Variants in JAK2 observed in about 807,000 individuals in gnomAD.
JAK2 encodes tyrosine-protein kinase JAK2.
A neutral mutation model predicts 139.3 loss-of-function variants in JAK2; 86 were observed. The ratio of observed to expected loss-of-function variants is 0.62; its 90% CI spans 0.52 to 0.74. JAK2 has a LOEUF of 0.74. Among genes scored for constraint, JAK2 ranks in the 30% least tolerant of loss-of-function variants. The probability of loss-of-function intolerance (pLI) is 0.00; values close to 1 mark genes in which losing one functional copy is unlikely to be tolerated. For missense variants in JAK2, 1,421 were observed against 1,360.3 expected (o/e 1.04, Z -0.70); for synonymous variants, 490 against 437.7 (o/e 1.12, Z -1.49).
chr9:4,997,812 G>A (rs1446474859), intron 2 of JAK2, among the ~76,000 whole-genome samples: 2 of 152,178 alleles, frequency 1.3e-5, no homozygotes, highest in African/African-American at 4.8e-5. Context: ...TGATTGATGA[G>A]TAACTGGAAA....
At chr9:5,111,115 T>C in intron 22 of JAK2, 1 of 1,209,936 alleles carries the variant, frequency 8.3e-7, no homozygotes, top group Non-Finnish European at 1.2e-6. Context: ...CAGCTCCTCC[T>C]TTGACCCCAG....
At chr9:5,004,539 G>A (rs1253130026) in intron 2 of JAK2, among the ~76,000 whole-genome samples, 3 of 152,116 alleles carry the variant, frequency 2.0e-5, no homozygotes, top group Non-Finnish European at 4.4e-5. Context: ...TTCATCTGTT[G>A]ATGGACACTT....
chr9:5,018,946 CTT>C (rs1286045025), intron 2 of JAK2, among the ~76,000 whole-genome samples: 4 of 152,096 alleles, frequency 2.6e-5, no homozygotes, highest in African/African-American at 9.7e-5. Flanking sequence ...AGAATTCTCT[CTT>C]TGTCTTTGAC....
chr9:4,990,760 A>G (rs1820195512), intron 2 of JAK2, among the ~76,000 whole-genome samples: 1 of 152,198 alleles, frequency 6.6e-6, no homozygotes, highest in Admixed American at 6.5e-5. Context: ...CTATAAAAAC[A>G]GAAGAAAATT....
rs532667813 is a variant in JAK2, at chr9:4,995,966, C to T, written c.-26+9944C>T. ...TTTTGGCCTCAAATTGTTAAAAATTCACAGTATAGTTTTATTTGTATCAAA... is the reference window on the plus strand; with the variant it reads ...TTTTGGCCTCAAATTGTTAAAAATTTACAGTATAGTTTTATTTGTATCAAA... On this transcript the variant is annotated intron_variant, in intron 2 of 24. Coordinates refer to ENST00000381652, the MANE Select transcript of JAK2 (RefSeq NM_004972.4). Among the ~76,000 whole-genome samples the T allele has an allele frequency of 1.4e-4, 22 of 152,100 alleles. 1 individual carries two copies. The East Asian group carries it at 4.2e-3, about 29-fold the overall frequency.
At chr9:5,098,763 A>T (rs1821228232) in intron 22 of JAK2, 1 of 150,150 alleles carries the variant, frequency 6.7e-6, no homozygotes, top group Non-Finnish European at 1.5e-5. Context: ...GTGTGATCTC[A>T]GCTCACTGCA....
intron 5 of JAK2, 35 bp downstream of exon 5, chr9:5,044,555 A>G (rs1816860619): frequency 4.0e-6 from 5 of 1,237,194 alleles, no homozygotes; most frequent in Non-Finnish European, 5.8e-6. Context: ...ACATGAGTTA[A>G]ATGATAAATA....
intron 2 of JAK2, among the ~76,000 whole-genome samples, chr9:5,014,269 G>A (rs1045478138): frequency 6.7e-6 from 1 of 150,278 alleles, no homozygotes; most frequent in Non-Finnish European, 1.5e-5. Context: ...TTCCCAGAGT[G>A]CAGGGATTAC....
intron 8 of JAK2, among the ~76,000 whole-genome samples, chr9:5,063,797 G>A (rs1341585625): frequency 5.9e-5 from 9 of 151,960 alleles, no homozygotes; most frequent in Non-Finnish European, 1.2e-4. Context: ...AATATAATAC[G>A]TCTATATATT....
At chr9:5,114,184 G>T (rs1181285273) in intron 22 of JAK2, 8 of 448,246 alleles carry the variant, frequency 1.8e-5, no homozygotes, top group South Asian at 3.9e-5. Flanking sequence ...AACCCGCAAG[G>T]GGTGAGCACC....
chr9:5,110,317 C>T (rs1185098863), intron 22 of JAK2: 1 of 152,168 alleles, frequency 6.6e-6, no homozygotes, highest in Non-Finnish European at 1.5e-5. Context: ...GCTGTTACCA[C>T]CTTATTTACA....
intron 4 of JAK2, among the ~76,000 whole-genome samples, chr9:5,038,804 A>T (rs932975483): frequency 2.0e-5 from 3 of 152,144 alleles, no homozygotes; most frequent in Non-Finnish European, 4.4e-5. Context: ...AAGATGAAAT[A>T]CTATGACCAG....
chr9:5,075,542 T>C (rs1224022083), intron 14 of JAK2, among the ~76,000 whole-genome samples: 3 of 152,222 alleles, frequency 2.0e-5, no homozygotes, highest in Non-Finnish European at 2.9e-5. Context: ...CAAGAAAGCC[T>C]AGATGACAGC....
intron 5 of JAK2, 133 bp from the exon 6 acceptor site, chr9:5,050,553 G>A (rs1223171100): frequency 1.2e-6 from 1 of 829,578 alleles, no homozygotes; most frequent in Non-Finnish European, 1.8e-6. Flanking sequence ...TTACAGGCAT[G>A]AGCCACTGAG....
At position 5,059,153 on chromosome 9, in the gene JAK2, T is replaced by C. The variant is rs1817982433; in HGVS notation, c.1056+3365T>C. 2.6e-5 allele frequency among the ~76,000 whole-genome samples: 4 copies of C among 152,302 alleles called. No individual in the cohort carries two copies. The South Asian group carries it at 8.3e-4, about 32-fold the overall frequency. ...TGAATTTTTACATATTTGTACATCT[T>C]TGTAGCCACACCCACCTCAAAAAAC... is the stretch of plus-strand genomic sequence containing the variant. On this transcript the variant is annotated intron_variant, in intron 8 of 24. Coordinates refer to ENST00000381652, the MANE Select transcript of JAK2 (RefSeq NM_004972.4).
intron 5 of JAK2, among the ~76,000 whole-genome samples, chr9:5,045,371 T>C (rs907318299): frequency 6.6e-6 from 1 of 152,202 alleles, no homozygotes; most frequent in South Asian, 2.1e-4. Context: ...CATTTCTCTA[T>C]TGGGGTATGA....
At chr9:5,014,740 C>G (rs1022279841) in intron 2 of JAK2, among the ~76,000 whole-genome samples, 1 of 152,092 alleles carries the variant, frequency 6.6e-6, no homozygotes, top group Non-Finnish European at 1.5e-5. Flanking sequence ...ATAGATGTAA[C>G]TTATATGAGA....
intron 12 of JAK2, among the ~76,000 whole-genome samples, 185 bp from the exon 13 acceptor site, chr9:5,072,307 C>G (rs1444102429): frequency 6.6e-6 from 1 of 152,108 alleles, no homozygotes; most frequent in Non-Finnish European, 1.5e-5. Flanking sequence ...TGTTTTCTGT[C>G]TCTTATTACT....
chr9:4,990,442 G>A (rs887161120), intron 2 of JAK2, among the ~76,000 whole-genome samples: 6 of 152,154 alleles, frequency 3.9e-5, no homozygotes, highest in African/African-American at 1.2e-4. Context: ...TTGAGTTTGC[G>A]GTGGCCGTGG....
Sources: gnomAD v4.1 joint callset for allele counts (sites outside exome capture counted in the v4.1 genomes callset) on GRCh38, gnomAD v4.1.1 for gene constraint, MANE v1.5 for transcripts, NCBI Gene and HGNC (gene_info 2026-07-23, HGNC 2026-07-21) for gene names.